SLC35F4: variants seen among roughly 807,000 people sequenced by gnomAD.
SLC35F4 encodes chromosome 14 open reading frame 36.
SLC35F4 carries 24 observed loss-of-function variants against 44.2 expected under a neutral mutation model. The observed-to-expected ratio is 0.54, with a 90% confidence interval of 0.39 to 0.76. The LOEUF is 0.76. Among genes scored for constraint, SLC35F4 ranks in the 30% least tolerant of loss-of-function variants. The pLI is 0.00. For missense variants in SLC35F4, 562 were observed against 586.1 expected (o/e 0.96, Z 0.42); for synonymous variants, 238 against 223.6 (o/e 1.06, Z -0.57).
chr14:57,914,638 A>T (rs975780271), intron 1 of SLC35F4, among the ~76,000 whole-genome samples: 1 of 152,150 alleles, frequency 6.6e-6, no homozygotes, highest in Non-Finnish European at 1.5e-5. Flanking sequence ...TCCATTCAGG[A>T]AGGAATCTCT....
chr14:57,575,765 G>C (rs528389448), intron 4 of SLC35F4, among the ~76,000 whole-genome samples: 12 of 152,218 alleles, frequency 7.9e-5, no homozygotes, highest in African/African-American at 2.6e-4. Flanking sequence ...ACAGCTCTCT[G>C]CACTAATTTT....
chr14:57,785,874 T>C (rs1032501147), intron 1 of SLC35F4, among the ~76,000 whole-genome samples: 1 of 152,130 alleles, frequency 6.6e-6, no homozygotes, highest in African/African-American at 2.4e-5. Context: ...AGGAATTCTC[T>C]AGCTGAACTT....
At chr14:57,851,745 G>C (rs1886588257) in intron 1 of SLC35F4, among the ~76,000 whole-genome samples, 2 of 152,074 alleles carry the variant, frequency 1.3e-5, no homozygotes, top group African/African-American at 4.8e-5. Flanking sequence ...TTGAAAAACT[G>C]GTGAAATCCA....
chr14:57,698,405 GC>G (rs1432963140), intron 1 of SLC35F4, among the ~76,000 whole-genome samples: 1 of 152,072 alleles, frequency 6.6e-6, no homozygotes, highest in East Asian at 1.9e-4. Context: ...TAATGCTTTT[GC>G]CCAAGTCCCC....
intron 1 of SLC35F4, among the ~76,000 whole-genome samples, chr14:57,767,355 T>G (rs2140659362): frequency 6.6e-6 from 1 of 152,242 alleles, no homozygotes. Flanking sequence ...AGAATTAAAA[T>G]CATACAATTT....
At chr14:57,580,508 G>T in intron 4 of SLC35F4, 1 of 391,286 alleles carries the variant, frequency 2.6e-6, no homozygotes. Context: ...AATGAGATCT[G>T]GCTCCTTAAA....
At chr14:57,875,669 A>T (rs772585242) in intron 1 of SLC35F4, among the ~76,000 whole-genome samples, 2 of 152,186 alleles carry the variant, frequency 1.3e-5, no homozygotes, top group Non-Finnish European at 2.9e-5. Context: ...GCAAAATTCC[A>T]AGAGTAAGAG....
At chr14:57,747,247 G>A (rs532269944) in intron 1 of SLC35F4, among the ~76,000 whole-genome samples, 2 of 152,260 alleles carry the variant, frequency 1.3e-5, no homozygotes, top group African/African-American at 2.4e-5. Context: ...TAGAGGGCAC[G>A]TGCTTACTGC....
chr14:57,935,597 G>T (rs28489462), intron 1 of SLC35F4, among the ~76,000 whole-genome samples: 11,176 of 152,154 alleles, frequency 0.073, 1,410 homozygotes, highest in African/African-American at 0.25. Context: ...TTAGAGTCCA[G>T]ATAACAAAGA....
intron 1 of SLC35F4, among the ~76,000 whole-genome samples, chr14:57,802,449 C>A: frequency 6.7e-6 from 1 of 149,298 alleles, no homozygotes; most frequent in Non-Finnish European, 1.5e-5. Context: ...TAGCAGAAGA[C>A]AAGAAATAAC....
chr14:57,956,531 A>T (rs929832063), intron 1 of SLC35F4, among the ~76,000 whole-genome samples: 1 of 152,246 alleles, frequency 6.6e-6, no homozygotes, highest in Non-Finnish European at 1.5e-5. Flanking sequence ...AAATTTCTGC[A>T]ATCTATCCAT....
intron 1 of SLC35F4, among the ~76,000 whole-genome samples, chr14:57,678,053 C>A (rs1454988470): frequency 6.6e-6 from 1 of 151,828 alleles, no homozygotes; most frequent in Non-Finnish European, 1.5e-5. Context: ...AGAAGAGCAA[C>A]CCCAAGACAA....
chr14:57,808,991 C>A (rs1214191237), intron 1 of SLC35F4, among the ~76,000 whole-genome samples: 1 of 152,172 alleles, frequency 6.6e-6, no homozygotes, highest in African/African-American at 2.4e-5. Context: ...CTGAATCACT[C>A]TGAGTTTACA....
At chr14:57,594,726 G>A (rs189149624) in intron 1 of SLC35F4, among the ~76,000 whole-genome samples, 14 of 152,278 alleles carry the variant, frequency 9.2e-5, no homozygotes, top group African/African-American at 1.4e-4. Flanking sequence ...TGGTAAAACT[G>A]CCAACAGTGT....
intron 1 of SLC35F4, among the ~76,000 whole-genome samples, chr14:57,772,095 C>CA (rs1014598855): frequency 6.6e-6 from 1 of 152,078 alleles, no homozygotes; most frequent in African/African-American, 2.4e-5. Context: ...GAAGCAACAT[C>CA]AAAAAAATGC....
At chr14:57,726,327 T>A (rs2076202337) in intron 1 of SLC35F4, among the ~76,000 whole-genome samples, 1 of 152,236 alleles carries the variant, frequency 6.6e-6, no homozygotes, top group Non-Finnish European at 1.5e-5. Flanking sequence ...CTTGCTGAGG[T>A]GCTTGATGAA....
chr14:57,750,402 A>C (rs908128912), intron 1 of SLC35F4, among the ~76,000 whole-genome samples: 1 of 152,174 alleles, frequency 6.6e-6, no homozygotes, highest in African/African-American at 2.4e-5. Flanking sequence ...TTGGATAGAT[A>C]CCCAGTAGTG....
intron 1 of SLC35F4, among the ~76,000 whole-genome samples, chr14:57,737,533 C>A (rs1390141186): frequency 6.6e-6 from 1 of 152,144 alleles, no homozygotes; most frequent in Non-Finnish European, 1.5e-5. Context: ...AGCAAGGCTG[C>A]AGCAATGGTA....
At chr14:57,675,900 A>T (rs577102816) in intron 1 of SLC35F4, among the ~76,000 whole-genome samples, 27 of 152,228 alleles carry the variant, frequency 1.8e-4, no homozygotes, top group Middle Eastern at 6.8e-3. Flanking sequence ...TCTTCTAGAC[A>T]TTGGCTTAGG....
Sources: allele counts gnomAD v4.1 joint callset (sites outside exome capture counted in the v4.1 genomes callset), GRCh38; gene constraint gnomAD v4.1.1; transcripts MANE v1.5; gene names NCBI Gene and HGNC (gene_info 2026-07-23, HGNC 2026-07-21).